RAD51B: variants seen among roughly 807,000 people sequenced by gnomAD.
RAD51B encodes RAD51 paralog B.
In RAD51B, 38 loss-of-function variants were observed where a neutral mutation model predicts 42.2. That is an observed-to-expected ratio of 0.90 (90% CI 0.70 to 1.18). The LOEUF is 1.18. Ranked by LOEUF, RAD51B falls within the 50% of genes most tolerant of loss-of-function variation. The pLI, the probability that RAD51B is intolerant of heterozygous loss-of-function variation, is 0.00. For synonymous variants in RAD51B, 154 were observed against 145.2 expected (o/e 1.06, Z -0.43); for missense variants, 373 against 400.7 (o/e 0.93, Z 0.59).
At chr14:68,411,348 G>A (rs765955493) in intron 8 of RAD51B, 76 bp from the exon 9 acceptor site, 7 of 1,234,306 alleles carry the variant, frequency 5.7e-6, no homozygotes, top group East Asian at 2.3e-5. Flanking sequence ...CTGGCAATGA[G>A]TAATGTCTGG....
chr14:68,466,353 CT>C (rs2140229074), intron 9 of RAD51B, among the ~76,000 whole-genome samples: 1 of 152,348 alleles, frequency 6.6e-6, no homozygotes, highest in East Asian at 1.9e-4. Flanking sequence ...AATAATGCCA[CT>C]TAGGAAGGTG....
chr14:68,104,340 GTGTTT>G (rs997833897), intron 7 of RAD51B, among the ~76,000 whole-genome samples: 4 of 152,060 alleles, frequency 2.6e-5, no homozygotes, highest in African/African-American at 9.7e-5. Flanking sequence ...CTGCTTCTAC[GTGTTT>G]TGTTTTGTTT....
At chr14:68,485,600 TG>T (rs1883564553) in intron 10 of RAD51B, among the ~76,000 whole-genome samples, 1 of 152,130 alleles carries the variant, frequency 6.6e-6, no homozygotes, top group South Asian at 2.1e-4. Flanking sequence ...ACCAAGCAAG[TG>T]GGAAGATATT....
intron 7 of RAD51B, among the ~76,000 whole-genome samples, chr14:67,985,879 C>T (rs1027266231): frequency 2.0e-5 from 3 of 152,084 alleles, no homozygotes; most frequent in East Asian, 3.8e-4. Flanking sequence ...CACTGCACTC[C>T]AGCCTGGGCA....
At chr14:67,837,373 C>G (rs928210797) in intron 4 of RAD51B, among the ~76,000 whole-genome samples, 2 of 152,098 alleles carry the variant, frequency 1.3e-5, no homozygotes, top group Non-Finnish European at 2.9e-5. Context: ...ATTCTTTTTA[C>G]TTTTTAAGTT....
intron 7 of RAD51B, among the ~76,000 whole-genome samples, chr14:68,156,460 T>TCTCTCTCG (rs2078510593): frequency 7.3e-6 from 1 of 136,266 alleles, no homozygotes; most frequent in African/African-American, 2.7e-5. Flanking sequence ...AAAATTTCTC[T>TCTCTCTCG]CTCTCTCTCT....
chr14:68,381,678 T>C (rs529219565), intron 8 of RAD51B, among the ~76,000 whole-genome samples: 24 of 152,256 alleles, frequency 1.6e-4, no homozygotes, highest in African/African-American at 4.1e-4. Flanking sequence ...AGACTCCGTC[T>C]CAAAATAAAT....
At chr14:68,575,234 C>A (rs1490199508) in intron 10 of RAD51B, among the ~76,000 whole-genome samples, 2 of 152,148 alleles carry the variant, frequency 1.3e-5, no homozygotes, top group Non-Finnish European at 2.9e-5. Context: ...TTTATTTATT[C>A]CCAACTGGAA....
At chr14:68,338,355 T>G (rs780459066) in intron 8 of RAD51B, among the ~76,000 whole-genome samples, 10 of 152,186 alleles carry the variant, frequency 6.6e-5, no homozygotes, top group Non-Finnish European at 8.8e-5. Context: ...ACATCTGCTT[T>G]CTTTCTTTTC....
chr14:68,417,230 C>A (rs1263272623), intron 9 of RAD51B, among the ~76,000 whole-genome samples: 5 of 152,178 alleles, frequency 3.3e-5, no homozygotes, highest in Non-Finnish European at 5.9e-5. Flanking sequence ...GTTTTCTACT[C>A]CAGCTCACCT....
intron 10 of RAD51B, among the ~76,000 whole-genome samples, chr14:68,570,980 G>A (rs1241394060): frequency 3.3e-5 from 5 of 151,844 alleles, no homozygotes; most frequent in Non-Finnish European, 5.9e-5. Flanking sequence ...TTTGCAAACC[G>A]CTCACACATA....
intron 7 of RAD51B, among the ~76,000 whole-genome samples, chr14:68,129,291 C>T (rs2077837076): frequency 6.6e-6 from 1 of 152,176 alleles, no homozygotes; most frequent in African/African-American, 2.4e-5. Context: ...ACACTGATTG[C>T]TGAAACTGAG....
chr14:68,674,792 C>T (rs1302625975), intron 11 of RAD51B, among the ~76,000 whole-genome samples: 1 of 152,138 alleles, frequency 6.6e-6, no homozygotes, highest in African/African-American at 2.4e-5. Context: ...CACCAATGAG[C>T]GTCTTAAACC....
chr14:68,183,579 C>T lies in RAD51B; in HGVS notation c.757-108305C>T, dbSNP rs538433444. Among the ~76,000 whole-genome samples the T allele has an allele frequency of 1.2e-4, 19 of 152,268 alleles. No individual in the cohort carries two copies. The South Asian group carries it at 1.9e-3, about 15-fold the overall frequency. On this transcript the variant is annotated intron_variant, in intron 7 of 10. Coordinates refer to ENST00000471583, the MANE Select transcript of RAD51B (RefSeq NM_133510.4). ...TCAGGTTGACACTCAGTATTATAAC[C>T]GTCACACATCTGTTATCCTATTGAT...
intron 10 of RAD51B, chr14:68,628,381 C>A (rs1291122598): frequency 6.6e-6 from 1 of 152,280 alleles, no homozygotes; most frequent in Non-Finnish European, 1.5e-5. Context: ...AGAACCCGAG[C>A]GCACAGGTCG....
At chr14:68,460,746 CAT>C (rs1259394525) in intron 9 of RAD51B, among the ~76,000 whole-genome samples, 1 of 152,186 alleles carries the variant, frequency 6.6e-6, no homozygotes, top group Non-Finnish European at 1.5e-5. Flanking sequence ...CCAGGAAAAA[CAT>C]GTGATGCTAT....
chr14:67,963,003 T>G (rs2074700983), intron 7 of RAD51B, among the ~76,000 whole-genome samples: 1 of 152,186 alleles, frequency 6.6e-6, no homozygotes, highest in Non-Finnish European at 1.5e-5. Flanking sequence ...TTGATCATTT[T>G]TCTTAAAGTT....
intron 7 of RAD51B, among the ~76,000 whole-genome samples, chr14:68,042,243 T>C (rs2076229682): frequency 6.6e-6 from 1 of 152,226 alleles, no homozygotes; most frequent in South Asian, 2.1e-4. Flanking sequence ...TTATTTGAGA[T>C]GAGTAGAAGT....
At chr14:68,266,399 C>T (rs139036943) in intron 7 of RAD51B, among the ~76,000 whole-genome samples, 4 of 152,204 alleles carry the variant, frequency 2.6e-5, no homozygotes, top group East Asian at 1.9e-4. Flanking sequence ...CCTGTTTGTT[C>T]GAATGGCTTC....
Sources: allele counts gnomAD v4.1 joint callset (sites outside exome capture counted in the v4.1 genomes callset), GRCh38; gene constraint gnomAD v4.1.1; transcripts MANE v1.5; gene names NCBI Gene and HGNC (gene_info 2026-07-23, HGNC 2026-07-21).